FGD1: variants seen among roughly 807,000 people sequenced by gnomAD.
The protein encoded by FGD1 is FYVE, RhoGEF and PH domain-containing protein 1.
A neutral mutation model predicts 65.0 loss-of-function variants in FGD1; 12 were observed. The ratio of observed to expected loss-of-function variants is 0.18; its 90% CI spans 0.12 to 0.30. FGD1 has a LOEUF of 0.30. Among genes scored for constraint, FGD1 ranks in the 10% least tolerant of loss-of-function variants. The pLI is 1.00. For synonymous variants in FGD1, 333 were observed against 343.9 expected (o/e 0.97, Z 0.35); for missense variants, 542 against 837.6 (o/e 0.65, Z 4.36).
At chrX:54,465,220 G>C (rs1461859147) in intron 8 of FGD1, among the ~76,000 whole-genome samples, 1 of 105,542 alleles carries the variant, frequency 9.5e-6, no homozygotes, top group African/African-American at 3.4e-5. Context: ...TCAACTTAGA[G>C]GTCCCTGCCT....
chrX:54,482,185 A>T (rs1923156396), intron 1 of FGD1, among the ~76,000 whole-genome samples: 1 of 111,492 alleles, frequency 9.0e-6, no homozygotes, highest in Non-Finnish European at 1.9e-5. Context: ...ACACACACAA[A>T]ATAGATCCAC....
At chrX:54,465,945 A>G (rs1922749661) in intron 6 of FGD1, 93 bp from the exon 7 acceptor site, 2 of 1,009,162 alleles carry the variant, frequency 2.0e-6, no homozygotes, top group East Asian at 3.2e-5. Flanking sequence ...GATACCTTTC[A>G]TCTCAGTCCT....
At chrX:54,472,246 C>T (rs1268375665) in intron 1 of FGD1, among the ~76,000 whole-genome samples, 1 of 107,323 alleles carries the variant, frequency 9.3e-6, no homozygotes, top group Non-Finnish European at 1.9e-5. Context: ...CCACTGCACT[C>T]CAGCCTGGAC....
chrX:54,462,389 CT>C lies in FGD1; in HGVS notation c.1636+3061del, dbSNP rs1158349272. Among the ~76,000 whole-genome samples the C allele has an allele frequency of 6.7e-3, 529 of 79,544 alleles. 1 individual carries two copies. The highest frequency in any genetic ancestry group is 0.021 in the African/African-American group (445 of 20,729). The allele number at this position is 79,544 out of a possible 115,157, so 69.1% of individuals were successfully genotyped here. A position where few individuals can be genotyped will look rare whatever the true frequency, so the allele number is the denominator to read the frequency against. On this transcript the variant is annotated intron_variant, in intron 8 of 17. Transcript: ENST00000375135. ...TGGACACAGCTGTCCACTTCCCATT[CT>C]TTTTTTTTTTTTTTTTTTTTGAGAT...
At position 54,495,820 on chromosome X, in the gene FGD1, C is replaced by T. The variant is rs1237329093; in HGVS notation, c.-388G>A. ...TCTCCGGTGGACGGCGAGCCACTTC[C>T]GTGGCCCCGGGGCGAGAAGTCGGTC... On this transcript the variant is annotated 5_prime_UTR_variant, in exon 1 of 18. Coordinates refer to ENST00000375135, the MANE Select transcript of FGD1 (RefSeq NM_004463.3). The T allele has an allele frequency of 9.0e-6, 1 of 111,422 alleles. No individual in the cohort carries two copies. The highest frequency in any genetic ancestry group is 1.9e-5 in the Non-Finnish European group (1 of 52,825). 9.2% of individuals were successfully genotyped at this position (111,422 alleles called of 1,213,427 possible). A position where few individuals can be genotyped will look rare whatever the true frequency, so the allele number is the denominator to read the frequency against.
intron 8 of FGD1, among the ~76,000 whole-genome samples, chrX:54,463,038 C>T (rs1922675586): frequency 9.0e-6 from 1 of 111,185 alleles, no homozygotes; most frequent in African/African-American, 3.3e-5. Context: ...GCTGGGATTA[C>T]AGGTGTGAGT....
chrX:54,450,870 G>A (rs1167895584), intron 12 of FGD1, among the ~76,000 whole-genome samples: 1 of 110,890 alleles, frequency 9.0e-6, no homozygotes, highest in Admixed American at 9.6e-5. Flanking sequence ...CCAACATGGT[G>A]AAATTCTGTC....
At position 54,455,758 on chromosome X, in the gene FGD1, C is replaced by T; in HGVS notation, c.1869G>A (p.Val623=). 8.4e-7 allele frequency: 1 copy of T among 1,186,605 alleles called. No homozygotes were observed. Among genetic ancestry groups the T allele is most frequent in the South Asian group, 1.9e-5 (1 of 54,040 alleles). The change falls in exon 11 of 18, where the codon GTG becomes GTA. Residue 623 remains valine, a synonymous_variant. Transcript: ENST00000375135. ...TCTGGCCAAGGAGCCGCAGCCTGGG[C>T]ACGCAGTAAAGGAGGCGGTCGTTGA... is the stretch of plus-strand genomic sequence containing the variant. The part of the protein sequence containing the change: ...ILFNDRLLYC[V]PRLRLLGQKF...
intron 6 of FGD1, 95 bp downstream of exon 6, chrX:54,467,689 A>G: frequency 1.0e-6 from 1 of 956,102 alleles, no homozygotes. Flanking sequence ...TAAGAGGAAG[A>G]GCAAGCAGAA....
At position 54,482,236 on chromosome X, in the gene FGD1, G is replaced by GCACA. The variant is rs759070309; in HGVS notation, c.308-10753_308-10750dup. On this transcript the variant is annotated intron_variant, in intron 1 of 17. Transcript: ENST00000375135. ...CAGGCACATGCGCGCGCACACGCGC[G>GCACA]CACACACACACACACACACACACAC... 4.3e-3 allele frequency among the ~76,000 whole-genome samples: 431 copies of GCACA among 99,378 alleles called. 2 individuals carry two copies. Among genetic ancestry groups the GCACA allele is most frequent in the Middle Eastern group, 0.011 (2 of 185 alleles). The allele number at this position is 99,378 out of a possible 115,157, so 86.3% of individuals were successfully genotyped here.
At chrX:54,466,755 G>GT (rs59381335) in intron 6 of FGD1, among the ~76,000 whole-genome samples, 11,013 of 89,474 alleles carry the variant, frequency 0.12, 699 homozygotes, top group East Asian at 0.47. Context: ...TTGTTTGTTT[G>GT]TTTTTTTTTT....
At chrX:54,455,821 G>A in intron 10 of FGD1, 37 bp from the exon 11 acceptor site, 2 of 1,051,220 alleles carry the variant, frequency 1.9e-6, no homozygotes, top group Non-Finnish European at 2.6e-6. Flanking sequence ...TGTGCAGAGG[G>A]CCTAGTGGGG....
At chrX:54,495,070 C>T (rs1421378867) in intron 1 of FGD1, 56 bp downstream of exon 1, 49 of 1,120,891 alleles carry the variant, frequency 4.4e-5, no homozygotes, top group Non-Finnish European at 5.6e-5. Context: ...CAAGAACCCG[C>T]TCCCAGTACC....
intron 12 of FGD1, 99 bp from the exon 13 acceptor site, chrX:54,450,400 G>A: frequency 1.3e-6 from 1 of 793,622 alleles, no homozygotes; most frequent in Non-Finnish European, 1.9e-6. Context: ...GAAAGACCTG[G>A]GCTTGACCCT....
chrX:54,487,358 G>A (rs1354975758), intron 1 of FGD1, among the ~76,000 whole-genome samples: 1 of 111,962 alleles, frequency 8.9e-6, no homozygotes, highest in Non-Finnish European at 1.9e-5. Context: ...TCTATACATG[G>A]TATGTGTTGG....
At chrX:54,485,956 G>A (rs1923263640) in intron 1 of FGD1, among the ~76,000 whole-genome samples, 1 of 109,680 alleles carries the variant, frequency 9.1e-6, no homozygotes, top group Admixed American at 9.7e-5. Context: ...TGTATTTTTA[G>A]TAGAGACAGG....
At chrX:54,468,739 C>T (rs1322460796) in intron 5 of FGD1, 48 bp downstream of exon 5, 5 of 924,020 alleles carry the variant, frequency 5.4e-6, no homozygotes, top group African/African-American at 1.9e-5. Context: ...CTCCTTGAAA[C>T]GCACCTACAA....
chrX:54,468,805 C>T lies in FGD1; in HGVS notation c.1173G>A (p.Arg391=), dbSNP rs537415341. ...CACTCACCTGATCCAGGAGATGGAG[C>T]CTGGAAACGTAGGCCTTCTCAGTTT... The part of the protein sequence containing the change: ...LLQTEKAYVS[R]LHLLDQVFCA... The change falls in exon 5 of 18, where the codon AGG becomes AGA. Residue 391 remains arginine, a synonymous_variant. Coordinates refer to ENST00000375135, the MANE Select transcript of FGD1 (RefSeq NM_004463.3). The T allele has an allele frequency of 6.6e-6, 8 of 1,205,264 alleles. No individual in the cohort carries two copies. The East Asian group carries it at 2.1e-4, about 31-fold the overall frequency.
rs370970773 is a variant in FGD1 at position 54,449,250 on chromosome X, G to A, written c.2167C>T (p.Arg723Trp). 2.5e-5 allele frequency: 30 copies of A among 1,209,905 alleles called. No homozygotes were observed. The highest frequency in any genetic ancestry group is 3.0e-5 in the Non-Finnish European group (27 of 894,971). ...TTTTCCCGGATGGGCGTAGGTGCCC[G>A]CTTCCCAAGATCCACGTTCTGTAGG... ...PNSPNVDLGK[R>W]APTPIREKEV... is the part of the protein sequence containing the mutation. The change falls in exon 15 of 18, where the codon CGG (arginine) becomes TGG (tryptophan). Residue 723 changes from arginine (R) to tryptophan (W), a missense_variant. Arg to Trp is a moderately radical substitution (Grantham distance 101). Transcript: ENST00000375135.
Sources: allele counts gnomAD v4.1 joint callset (sites outside exome capture counted in the v4.1 genomes callset), GRCh38; gene constraint gnomAD v4.1.1; transcripts MANE v1.5; gene names NCBI Gene and HGNC (gene_info 2026-07-23, HGNC 2026-07-21).